Variants in SIPA1L1 observed in about 807,000 individuals in gnomAD.
The protein encoded by SIPA1L1 is signal induced proliferation associated 1 like 1.
A neutral mutation model predicts 162.7 loss-of-function variants in SIPA1L1; 26 were observed. The ratio of observed to expected loss-of-function variants is 0.16; its 90% CI spans 0.12 to 0.22. The LOEUF is 0.22. SIPA1L1 is among the 10% of genes least tolerant of loss of function. The probability of loss-of-function intolerance (pLI) is 1.00; values close to 1 mark genes in which losing one functional copy is unlikely to be tolerated. For synonymous variants in SIPA1L1, 829 were observed against 837.4 expected, an observed-to-expected ratio of 0.99 and a Z score of 0.17; for missense variants, 1,874 against 2,241.0, an observed-to-expected ratio of 0.84 and a Z score of 3.31.
intron 12 of SIPA1L1, among the ~76,000 whole-genome samples, chr14:71,684,179 T>C (rs1403860170): frequency 6.6e-6 from 1 of 152,194 alleles, no homozygotes; most frequent in African/African-American, 2.4e-5. Context: ...ACGCCATTGC[T>C]CCTTCTGAGC....
intron 2 of SIPA1L1, among the ~76,000 whole-genome samples, chr14:71,337,651 T>TG (rs2035235765): frequency 6.6e-6 from 1 of 152,142 alleles, no homozygotes. Flanking sequence ...CCATGACACG[T>TG]GGGAATTATG....
At chr14:71,672,764 G>A in intron 12 of SIPA1L1, 142 bp downstream of exon 12, 1 of 945,144 alleles carries the variant, frequency 1.1e-6, no homozygotes, top group Non-Finnish European at 1.6e-6. Flanking sequence ...CATCCATGGA[G>A]TCTGACTCAG....
chr14:71,711,525 C>T (rs895434762), intron 17 of SIPA1L1, among the ~76,000 whole-genome samples: 1 of 152,152 alleles, frequency 6.6e-6, no homozygotes, highest in Non-Finnish European at 1.5e-5. Flanking sequence ...GAAAATATTT[C>T]TCTGGTCCAA....
intron 10 of SIPA1L1, among the ~76,000 whole-genome samples, chr14:71,668,148 C>T (rs118099011): frequency 1.4e-3 from 209 of 152,280 alleles, no homozygotes; most frequent in Non-Finnish European, 2.5e-3. Context: ...TTCATTCAAG[C>T]TCTTTGATGC....
chr14:71,656,418 C>CT (rs2043062710), intron 8 of SIPA1L1, among the ~76,000 whole-genome samples: 1 of 152,082 alleles, frequency 6.6e-6, no homozygotes, highest in African/African-American at 2.4e-5. Flanking sequence ...GACACATTCA[C>CT]TTTAAAGTTT....
chr14:71,727,696 A>G (rs2084371051), intron 19 of SIPA1L1, among the ~76,000 whole-genome samples: 1 of 152,170 alleles, frequency 6.6e-6, no homozygotes, highest in Admixed American at 6.5e-5. Flanking sequence ...ATTCTTTCCC[A>G]AGGGCTGGCA....
chr14:71,548,886 A>C (rs1294211441), intron 4 of SIPA1L1, among the ~76,000 whole-genome samples: 1 of 94,454 alleles, frequency 1.1e-5, no homozygotes, highest in Non-Finnish European at 2.2e-5. Context: ...GACTGTCTCC[A>C]AAAAAAAAAA....
intron 2 of SIPA1L1, among the ~76,000 whole-genome samples, chr14:71,494,407 G>T (rs1042661502): frequency 7.3e-5 from 11 of 151,160 alleles, no homozygotes; most frequent in African/African-American, 2.4e-4. Flanking sequence ...TTAATATGTT[G>T]TATTAAATTA....
intron 14 of SIPA1L1, among the ~76,000 whole-genome samples, chr14:71,701,284 A>G (rs2149825497): frequency 6.6e-6 from 1 of 152,068 alleles, no homozygotes; most frequent in East Asian, 1.9e-4. Flanking sequence ...TAGCAAGAAG[A>G]CACCCCACAA....
At chr14:71,453,916 C>A (rs1486664495) in intron 2 of SIPA1L1, among the ~76,000 whole-genome samples, 1 of 140,502 alleles carries the variant, frequency 7.1e-6, no homozygotes, top group Non-Finnish European at 1.5e-5. Context: ...ATTGCTTGAA[C>A]CTGGGAGGCA....
At position 71,679,093 on chromosome 14, in the gene SIPA1L1, A is replaced by T. The variant is rs2045522085; in HGVS notation, c.3105-6269A>T. ...TTCAGGAAATACAGAGAACGCCACA[A>T]AGATACTCCTCGAGAAGAGCAACTC... is the stretch of plus-strand genomic sequence containing the variant. On this transcript the variant is annotated intron_variant, in intron 12 of 23. Transcript: ENST00000381232. Among the ~76,000 whole-genome samples, 3 of 152,218 alleles carry T rather than the reference A, an allele frequency of 2.0e-5. No homozygotes were observed. The South Asian group carries it at 6.2e-4, about 32-fold the overall frequency.
chr14:71,737,293 T>C (rs1275521753), intron 22 of SIPA1L1, among the ~76,000 whole-genome samples: 1 of 152,226 alleles, frequency 6.6e-6, no homozygotes, highest in Non-Finnish European at 1.5e-5. Context: ...GAATACCTTT[T>C]ACTCCGTGAC....
intron 2 of SIPA1L1, among the ~76,000 whole-genome samples, chr14:71,328,912 A>G (rs759524531): frequency 3.0e-4 from 46 of 152,222 alleles, no homozygotes; most frequent in Non-Finnish European, 5.7e-4. Flanking sequence ...GAAACTCTGT[A>G]AGCATTAAAC....
intron 2 of SIPA1L1, among the ~76,000 whole-genome samples, chr14:71,411,122 G>GC (rs574274763): frequency 2.7e-5 from 4 of 147,478 alleles, no homozygotes; most frequent in Non-Finnish European, 6.0e-5. Context: ...TTAGCATTTT[G>GC]TTTTTTTTTT....
chr14:71,608,666 G>A (rs2037817727), intron 5 of SIPA1L1, among the ~76,000 whole-genome samples: 1 of 152,154 alleles, frequency 6.6e-6, no homozygotes, highest in Non-Finnish European at 1.5e-5. Flanking sequence ...GGAGGCCGAG[G>A]CAGGCAGATC....
chr14:71,676,599 A>G (rs894267921), intron 12 of SIPA1L1, among the ~76,000 whole-genome samples: 33 of 147,320 alleles, frequency 2.2e-4, no homozygotes, highest in Admixed American at 6.7e-5. Flanking sequence ...TACATTAGGT[A>G]TATCTCCTAA....
chr14:71,432,483 G>A (rs1022436888), intron 2 of SIPA1L1, among the ~76,000 whole-genome samples: 1 of 152,212 alleles, frequency 6.6e-6, no homozygotes, highest in African/African-American at 2.4e-5. Context: ...ACACAAGGTA[G>A]TCAGATAATT....
At chr14:71,527,034 T>C (rs2052951567) in intron 3 of SIPA1L1, among the ~76,000 whole-genome samples, 1 of 152,256 alleles carries the variant, frequency 6.6e-6, no homozygotes, top group South Asian at 2.1e-4. Context: ...ATTTCAGCCA[T>C]TTTCATCATT....
At chr14:71,330,308 C>T (rs2034369772) in intron 2 of SIPA1L1, 4 of 763,854 alleles carry the variant, frequency 5.2e-6, no homozygotes, top group Middle Eastern at 3.6e-4. Context: ...TGGGAGAGTC[C>T]ACATGAAGGG....
Sources: allele counts gnomAD v4.1 joint callset (sites outside exome capture counted in the v4.1 genomes callset), GRCh38; gene constraint gnomAD v4.1.1; transcripts MANE v1.5; gene names NCBI Gene and HGNC (gene_info 2026-07-23, HGNC 2026-07-21).